Variants in ASAH1 observed in about 807,000 individuals in gnomAD.
ASAH1 encodes the protein acid ceramidase.
A neutral mutation model predicts 59.5 loss-of-function variants in ASAH1; 70 were observed. The observed-to-expected ratio is 1.18, with a 90% CI of 0.97 to 1.43. The LOEUF is 1.43. Among genes scored for constraint, ASAH1 ranks in the 40% most tolerant of loss-of-function variants. ASAH1 has a pLI of 0.00. For synonymous variants in ASAH1, 213 were observed against 166.5 expected, an observed-to-expected ratio of 1.28 and a Z score of -2.15; for missense variants, 660 against 482.5, an observed-to-expected ratio of 1.37 and a Z score of -3.45.
rs191518515 is a variant in ASAH1, at chr8:18,065,764, A to C, written c.383-1233T>G. On this transcript the variant is annotated intron_variant, in intron 5 of 13. Transcript: ENST00000637790. ...GAAGACTTACTATAAAGCTTTAGTA[A>C]CTGAGGTGAAATAGTATTGATATAA... 2.4e-4 allele frequency: 36 copies of C among 152,280 alleles called. No individual in the cohort carries two copies. In the East Asian group the frequency reaches 6.9e-3, roughly 29 times the overall value. 9.4% of individuals were successfully genotyped at this position (152,280 alleles called of 1,614,324 possible).
chr8:18,072,678 C>A (rs1039353035), intron 2 of ASAH1, among the ~76,000 whole-genome samples: 9 of 152,160 alleles, frequency 5.9e-5, no homozygotes, highest in Non-Finnish European at 1.5e-5. Context: ...AAATTAATTC[C>A]ATTTCTGACA....
chr8:18,062,511 G>C (rs1191140801), intron 7 of ASAH1, 88 bp from the exon 8 acceptor site: 2 of 1,429,710 alleles, frequency 1.4e-6, no homozygotes, highest in African/African-American at 1.4e-5. Context: ...TACACTAGGA[G>C]CTTTATTTAC....
At chr8:18,069,190 C>T (rs936816528) in intron 4 of ASAH1, among the ~76,000 whole-genome samples, 1 of 150,996 alleles carries the variant, frequency 6.6e-6, no homozygotes, top group Non-Finnish European at 1.5e-5. Flanking sequence ...TCATTAATGC[C>T]CAAAATCTGC....
chr8:18,075,351 G>C, intron 2 of ASAH1, 190 bp downstream of exon 2: 1 of 717,334 alleles, frequency 1.4e-6, no homozygotes. Flanking sequence ...TGAATCGGAA[G>C]ATATTTTCAT....
intron 5 of ASAH1, chr8:18,066,215 T>C (rs763235786): frequency 8.6e-5 from 13 of 151,968 alleles, no homozygotes; most frequent in Admixed American, 1.3e-4. Context: ...ACTGAGATAT[T>C]AGACTTCACT....
At chr8:18,069,279 A>G (rs1293448451) in intron 4 of ASAH1, among the ~76,000 whole-genome samples, 1 of 152,164 alleles carries the variant, frequency 6.6e-6, no homozygotes, top group East Asian at 1.9e-4. Context: ...GTCAACAAAA[A>G]CGGGGCTGAG....
upstream of ASAH1, chr8:18,084,205 G>A (rs928462596): frequency 1.3e-5 from 20 of 1,520,230 alleles, no homozygotes; most frequent in Admixed American, 6.1e-5. Flanking sequence ...CTCGGAGGAG[G>A]CGGGACTGGG....
At chr8:18,063,375 C>A in intron 6 of ASAH1, 145 bp from the exon 7 acceptor site, 1 of 746,046 alleles carries the variant, frequency 1.3e-6, no homozygotes. Context: ...GCGATCTCAG[C>A]TCACTGCGAC....
chr8:18,062,742 CTT>C (rs1364212629), intron 7 of ASAH1: 3 of 410,108 alleles, frequency 7.3e-6, no homozygotes, highest in African/African-American at 4.1e-5. Flanking sequence ...GCATGTCCCT[CTT>C]GTCTCAGCAC....
chr8:18,081,576 C>CT (rs1332308666), intron 1 of ASAH1, among the ~76,000 whole-genome samples: 3 of 152,146 alleles, frequency 2.0e-5, no homozygotes, highest in Admixed American at 6.6e-5. Flanking sequence ...ACCATCATCT[C>CT]TTAATAGACT....
upstream of ASAH1, chr8:18,084,149 T>A (rs1201311385): frequency 2.0e-5 from 32 of 1,567,014 alleles, no homozygotes; most frequent in Middle Eastern, 2.0e-4. Context: ...CTCCGCCGCG[T>A]GACCCGCGAC....
At chr8:18,063,317 T>C in intron 6 of ASAH1, 87 bp from the exon 7 acceptor site, 1 of 1,250,540 alleles carries the variant, frequency 8.0e-7, no homozygotes, top group Non-Finnish European at 1.2e-6. Flanking sequence ...AATTAATTTA[T>C]TTTTGAGACA....
At position 18,064,546 on chromosome 8, in the gene ASAH1, A is replaced by T; in HGVS notation, c.383-15T>A. ...AATAATCTCTCCTATGAGAAAAGAA[A>T]ATTTTGTGTTAATATACAGAACCAT... On this transcript the variant is annotated splice_polypyrimidine_tract_variant and intron_variant, in intron 5 of 13. Transcript: ENST00000637790. The T allele has an allele frequency of 7.0e-7, 1 of 1,427,240 alleles. No individual in the cohort carries two copies. Among genetic ancestry groups the T allele is most frequent in the Non-Finnish European group, 9.8e-7 (1 of 1,021,314 alleles). The allele number at this position is 1,427,240 out of a possible 1,614,324, so 88.4% of individuals were successfully genotyped here. A position where few individuals can be genotyped will look rare whatever the true frequency, so the allele number is the denominator to read the frequency against.
At chr8:18,071,764 T>C (rs186193222) in intron 2 of ASAH1, among the ~76,000 whole-genome samples, 5 of 152,284 alleles carry the variant, frequency 3.3e-5, no homozygotes, top group Admixed American at 2.0e-4. Flanking sequence ...AATTCTCCAA[T>C]TGGTTTCCAG....
In ASAH1 at chr8:18,057,118, A is replaced by T. The variant is rs1419000393; in HGVS notation, c.*416T>A. On this transcript the variant is annotated 3_prime_UTR_variant, in exon 14 of 14. Transcript: ENST00000637790. ...CTGTTATACAGAAAAACATACAAAT[A>T]TGTAGGTAGAAGTGAAAAACTGAAG... 2 of 187,748 alleles carry T rather than the reference A, an allele frequency of 1.1e-5. No homozygotes were observed. Among genetic ancestry groups the T allele is most frequent in the African/African-American group, 4.7e-5 (2 of 42,714 alleles). The allele number at this position is 187,748 out of a possible 1,614,324, so 11.6% of individuals were successfully genotyped here.
At chr8:18,068,096 T>C (rs1800008209) in intron 4 of ASAH1, 1 of 152,190 alleles carries the variant, frequency 6.6e-6, no homozygotes, top group South Asian at 2.1e-4. Context: ...ATTAAACACT[T>C]ATTACATCCA....
upstream of ASAH1, chr8:18,084,228 G>A: frequency 6.7e-7 from 1 of 1,483,742 alleles, no homozygotes; most frequent in Non-Finnish European, 8.9e-7. Context: ...GAGAGGACGG[G>A]GCTTTTCAGT....
At chr8:18,077,694 C>T (rs1249961096) in intron 1 of ASAH1, among the ~76,000 whole-genome samples, 1 of 152,212 alleles carries the variant, frequency 6.6e-6, no homozygotes, top group Non-Finnish European at 1.5e-5. Flanking sequence ...GGACACAATA[C>T]TTCTGCTACT....
intron 5 of ASAH1, chr8:18,066,486 G>T (rs1226847247): frequency 7.0e-6 from 1 of 143,422 alleles, no homozygotes; most frequent in Non-Finnish European, 1.5e-5. Flanking sequence ...AATGCAAATT[G>T]AAACTAAAAT....
Sources: allele counts gnomAD v4.1 joint callset (sites outside exome capture counted in the v4.1 genomes callset), GRCh38; gene constraint gnomAD v4.1.1; transcripts MANE v1.5; gene names NCBI Gene and HGNC (gene_info 2026-07-23, HGNC 2026-07-21).